Variants in CLPB observed in about 807,000 individuals in gnomAD.
CLPB encodes the protein ClpB family mitochondrial disaggregase, also known as mitochondrial disaggregase.
In CLPB, 40 loss-of-function variants were observed where a neutral mutation model predicts 78.4. That is an observed-to-expected ratio of 0.51 (90% CI 0.40 to 0.66). The LOEUF is 0.66. Ranked by LOEUF, CLPB falls within the 30% of genes least tolerant of loss-of-function variation. The pLI, the probability that CLPB is intolerant of heterozygous loss-of-function variation, is 0.00. For synonymous variants in CLPB, 333 were observed against 348.0 expected (o/e 0.96, Z 0.48); for missense variants, 780 against 886.9 (o/e 0.88, Z 1.53).
At position 72,386,206 on chromosome 11, in the gene CLPB, C is replaced by T. The variant is rs374388954; in HGVS notation, c.543-5822G>A. On this transcript the variant is annotated intron_variant, in intron 3 of 15. Transcript: ENST00000538039. ...AGAAAATAGAATCACACTGCTCTTTCAATTTGCATTTTTTGATTACTAGTC... is the reference window on the plus strand; with the variant it reads ...AGAAAATAGAATCACACTGCTCTTTTAATTTGCATTTTTTGATTACTAGTC... Among the ~76,000 whole-genome samples, 8 of 152,122 alleles carry T rather than the reference C, an allele frequency of 5.3e-5. No homozygotes were observed. The East Asian group carries it at 9.7e-4, about 18-fold the overall frequency.
At chr11:72,433,330 C>T (rs924065432) in intron 1 of CLPB, among the ~76,000 whole-genome samples, 14 of 152,172 alleles carry the variant, frequency 9.2e-5, no homozygotes, top group African/African-American at 2.6e-4. Context: ...GAGGCCAAGG[C>T]GGGTGGATCA....
rs113187663 is a variant in CLPB at position 72,312,630 on chromosome 11, G to C, written c.989-4026C>G. 6.8e-3 allele frequency among the ~76,000 whole-genome samples: 1,035 copies of C among 152,284 alleles called. 5 individuals are homozygous for C. Among genetic ancestry groups the C allele is most frequent in the African/African-American group, 0.01 (435 of 41,552 alleles). On this transcript the variant is annotated intron_variant, in intron 7 of 15. Coordinates refer to ENST00000538039, the MANE Select transcript of CLPB (RefSeq NM_001258392.3). This position sits in a 1 kb window ranked among gnomAD's most constrained non-coding sequence, Gnocchi z 4.2. ...GTACTTCAACTCATTTTACAGAGAAGAGGAGAAGAGTAAGGCCTAGACTTG... is the reference window on the plus strand; with the variant it reads ...GTACTTCAACTCATTTTACAGAGAACAGGAGAAGAGTAAGGCCTAGACTTG...
At chr11:72,319,487 T>A (rs954041312) in intron 6 of CLPB, among the ~76,000 whole-genome samples, 1 of 152,220 alleles carries the variant, frequency 6.6e-6, no homozygotes, top group African/African-American at 2.4e-5. Context: ...GAGGTTTGGC[T>A]CTTCTTTTGG....
At chr11:72,424,918 A>C (rs999934870) in intron 2 of CLPB, among the ~76,000 whole-genome samples, 21 of 151,668 alleles carry the variant, frequency 1.4e-4, no homozygotes, top group African/African-American at 4.8e-4. Flanking sequence ...AAAAAACACA[A>C]AAAAAAACTT....
intron 7 of CLPB, among the ~76,000 whole-genome samples, chr11:72,310,275 C>G (rs1165323601): frequency 6.6e-6 from 1 of 152,220 alleles, no homozygotes; most frequent in African/African-American, 2.4e-5. Flanking sequence ...GGACATCAGA[C>G]TAGCCACTTC....
chr11:72,293,648 C>A (rs749056905), intron 15 of CLPB, 33 bp from the exon 16 acceptor site: 2 of 1,588,252 alleles, frequency 1.3e-6, no homozygotes, highest in East Asian at 2.3e-5. Flanking sequence ...GTCACTCCCT[C>A]GGCCTGGACC....
chr11:72,408,104 G>C (rs1349253393), intron 2 of CLPB: 3 of 1,532,626 alleles, frequency 2.0e-6, no homozygotes, highest in Non-Finnish European at 1.7e-6. Context: ...AAACCTGAGG[G>C]GCCATTCAGA....
chr11:72,383,530 CAA>C (rs1232432851), intron 3 of CLPB, among the ~76,000 whole-genome samples: 6 of 65,284 alleles, frequency 9.2e-5, no homozygotes, highest in Admixed American at 1.8e-4. Context: ...GACTCTGTCT[CAA>C]AAAAAAAAAA....
chr11:72,348,238 G>A (rs948906727), intron 5 of CLPB, among the ~76,000 whole-genome samples: 1 of 152,120 alleles, frequency 6.6e-6, no homozygotes, highest in African/African-American at 2.4e-5. Flanking sequence ...CATGTCTTCT[G>A]GTACTACTCC....
chr11:72,404,689 G>A (rs1471434553), intron 2 of CLPB, among the ~76,000 whole-genome samples: 1 of 152,202 alleles, frequency 6.6e-6, no homozygotes, highest in Non-Finnish European at 1.5e-5. Context: ...GCAGGTGAGG[G>A]AGGGGAAGGA....
Position 72,289,490 on chromosome 11 carries a change from A to C in CLPB, c.*3877T>G, listed in dbSNP as rs575921062. ...CAGAGATAGCAGGAGAAAAAGCAGAAAAAGAATAGTAAGGTTATAAAAATG... is the reference window on the plus strand; with the variant it reads ...CAGAGATAGCAGGAGAAAAAGCAGACAAAGAATAGTAAGGTTATAAAAATG... On this transcript the variant is annotated 3_prime_UTR_variant, in exon 16 of 16. Coordinates refer to ENST00000538039, the MANE Select transcript of CLPB (RefSeq NM_001258392.3). 5 of 152,330 alleles carry C rather than the reference A, an allele frequency of 3.3e-5. No homozygotes were observed. In the East Asian group the frequency reaches 9.6e-4, roughly 29 times the overall value. 9.4% of individuals were successfully genotyped at this position (152,330 alleles called of 1,614,324 possible). A position where few individuals can be genotyped will look rare whatever the true frequency, so the allele number is the denominator to read the frequency against.
At chr11:72,349,299 ATTAC>A (rs1950570489) in intron 5 of CLPB, among the ~76,000 whole-genome samples, 1 of 152,232 alleles carries the variant, frequency 6.6e-6, no homozygotes, top group Admixed American at 6.5e-5. Flanking sequence ...ACAGGCTTCT[ATTAC>A]TTCAAAGGGG....
chr11:72,314,921 C>T (rs757766502), intron 7 of CLPB, among the ~76,000 whole-genome samples: 2 of 152,118 alleles, frequency 1.3e-5, no homozygotes, highest in South Asian at 4.1e-4. Context: ...CAGCAAGGAA[C>T]ATGCAAAGGT....
intron 5 of CLPB, among the ~76,000 whole-genome samples, chr11:72,342,029 A>G (rs1339265011): frequency 6.6e-6 from 1 of 152,192 alleles, no homozygotes; most frequent in Non-Finnish European, 1.5e-5. Flanking sequence ...TCTAAGAAAG[A>G]CAGGGCTTGG....
intron 12 of CLPB, 130 bp from the exon 13 acceptor site, chr11:72,294,823 G>A (rs2135486726): frequency 1.3e-6 from 1 of 753,678 alleles, no homozygotes. Context: ...CAAGGTCTAA[G>A]GCTCTCTGGG....
intron 11 of CLPB, among the ~76,000 whole-genome samples, chr11:72,298,722 C>G (rs1323613294): frequency 6.6e-6 from 1 of 152,070 alleles, no homozygotes; most frequent in Non-Finnish European, 1.5e-5. Flanking sequence ...GGTCTCGAAC[C>G]CCTGAATTCA....
At chr11:72,334,634 G>A (rs1404630830) in intron 5 of CLPB, among the ~76,000 whole-genome samples, 2 of 152,244 alleles carry the variant, frequency 1.3e-5, no homozygotes, top group South Asian at 2.1e-4. Flanking sequence ...GGGGCATCAG[G>A]ATGGCCCGTG....
At chr11:72,295,137 G>A (rs531494546) in intron 12 of CLPB, among the ~76,000 whole-genome samples, 60 of 152,248 alleles carry the variant, frequency 3.9e-4, no homozygotes, top group Non-Finnish European at 8.1e-4. Flanking sequence ...TAGAGTTTTC[G>A]ATCTGCTGTC....
At chr11:72,389,785 G>A (rs938416679) in intron 3 of CLPB, among the ~76,000 whole-genome samples, 1 of 152,112 alleles carries the variant, frequency 6.6e-6, no homozygotes, top group African/African-American at 2.4e-5. Flanking sequence ...AATTAGCCAG[G>A]TGTGGTGGCA....
Sources: gnomAD v4.1 joint callset for allele counts (sites outside exome capture counted in the v4.1 genomes callset) on GRCh38, gnomAD v4.1.1 for gene constraint, Gnocchi (gnomAD v3.1) non-coding constraint, MANE v1.5 for transcripts, NCBI Gene and HGNC (gene_info 2026-07-23, HGNC 2026-07-21) for gene names.